OLFM3: variants seen among roughly 807,000 people sequenced by gnomAD.
OLFM3 encodes the protein noelin-3.
Under a neutral mutation model 48.6 loss-of-function variants are expected in OLFM3, and 20 were observed. That is an observed-to-expected ratio of 0.41 (90% CI 0.29 to 0.60). The LOEUF (loss-of-function observed/expected upper bound fraction) is 0.60, where lower values mean the gene tolerates loss of function less well. Ranked by LOEUF, OLFM3 falls within the 20% of genes least tolerant of loss-of-function variation. OLFM3 has a pLI of 0.28. For synonymous variants in OLFM3, 222 were observed against 198.1 expected, an observed-to-expected ratio of 1.12 and a Z score of -1.01; for missense variants, 437 against 544.3, an observed-to-expected ratio of 0.80 and a Z score of 1.96.
rs760005981 is a variant in OLFM3, at chr1:101,825,091, T to A, written c.527A>T (p.Tyr176Phe). 6.8e-6 allele frequency: 11 copies of A among 1,614,112 alleles called. No homozygotes were observed. The highest frequency in any genetic ancestry group is 8.5e-6 in the Non-Finnish European group (10 of 1,179,974). Residue 176 changes from tyrosine to phenylalanine, a missense_variant, in exon 4 of 6, where the codon TAC becomes TTC. By Grantham distance (22) the Tyr-to-Phe change is conservative. Transcript: ENST00000370103. ...CAGCACTCTTTGGTGTAGTTCCTCGTAGTCATAGGCACCAATTTCCTCCTG... is the reference window on the plus strand; with the variant it reads ...CAGCACTCTTTGGTGTAGTTCCTCGAAGTCATAGGCACCAATTTCCTCCTG... Reference protein sequence around the residue: ...GIQEEIGAYDYEELHQRVLSL... With the variant: ...GIQEEIGAYDFEELHQRVLSL...
chr1:101,824,677 AACAAC>A (rs1250576256), intron 4 of OLFM3, among the ~76,000 whole-genome samples: 5 of 150,624 alleles, frequency 3.3e-5, no homozygotes, highest in East Asian at 1.9e-4. Flanking sequence ...CAACAACAAC[AACAAC>A]AAAAAACAGT....
At chr1:101,836,801 T>G in intron 2 of OLFM3, 78 bp downstream of exon 2, 1 of 1,400,232 alleles carries the variant, frequency 7.1e-7, no homozygotes, top group African/African-American at 1.4e-5. Context: ...TCTTCATTAT[T>G]ATCGGCTCTA....
At chr1:101,922,294 AGT>A (rs1310978746) in intron 1 of OLFM3, among the ~76,000 whole-genome samples, 1 of 152,212 alleles carries the variant, frequency 6.6e-6, no homozygotes, top group Non-Finnish European at 1.5e-5. Context: ...GCTTTAGTTT[AGT>A]AAGTGCTTAA....
chr1:101,823,799 A>G (rs1200665217), intron 4 of OLFM3, among the ~76,000 whole-genome samples: 1 of 152,014 alleles, frequency 6.6e-6, no homozygotes, highest in African/African-American at 2.4e-5. Flanking sequence ...TTGAGGAGGA[A>G]TAAAGAACTG....
At chr1:101,982,534 A>G (rs536947358) in intron 1 of OLFM3, among the ~76,000 whole-genome samples, 1 of 152,280 alleles carries the variant, frequency 6.6e-6, no homozygotes, top group South Asian at 2.1e-4. Flanking sequence ...AACAACGAAT[A>G]TTTTGCATGC....
At chr1:101,989,941 A>G (rs919033793) in intron 1 of OLFM3, among the ~76,000 whole-genome samples, 4 of 152,198 alleles carry the variant, frequency 2.6e-5, no homozygotes, top group African/African-American at 9.6e-5. Flanking sequence ...AAGAATGTAA[A>G]CTACTTTCTC....
Position 101,804,633 on chromosome 1 carries a change from C to T in OLFM3, c.982G>A (p.Asp328Asn), listed in dbSNP as rs1474376552. The change falls in exon 6 of 6, where the codon GAC (aspartate) becomes AAC (asparagine). Residue 328 changes from aspartate to asparagine, a missense_variant. Asp to Asn is a conservative substitution (Grantham distance 23). This residue lies in a region of OLFM3 where 15 missense variants were observed against 43.0 expected (regional missense o/e 0.35). Transcript: ENST00000370103. This position sits in a 1 kb window ranked among gnomAD's most constrained non-coding sequence, Gnocchi z 4.5. ...AGCCCGATTTCATCAGCCATTAGGT[C>T]GATGTCAGAGAATCCACCCCATGTG... ...PYTWGGFSDI[D>N]LMADEIGLWA... 6.2e-7 allele frequency: 1 copy of T among 1,612,460 alleles called. No homozygotes were observed. Among genetic ancestry groups the T allele is most frequent in the Non-Finnish European group, 8.5e-7 (1 of 1,179,166 alleles).
rs146565398 is a variant in OLFM3 at position 101,887,192 on chromosome 1, T to C, written c.70-50167A>G. ...ACAAATATCAAGAAACAAAAAGCCA[T>C]GAATCAAAAAATTTAAAGAGTTGAC... On this transcript the variant is annotated intron_variant, in intron 1 of 5. Transcript: ENST00000370103. Among the ~76,000 whole-genome samples the C allele has an allele frequency of 4.5e-3, 681 of 151,354 alleles. 6 individuals carry two copies. The highest frequency in any genetic ancestry group is 0.016 in the African/African-American group (660 of 41,346).
intron 4 of OLFM3, among the ~76,000 whole-genome samples, chr1:101,809,505 A>G (rs560517933): frequency 6.6e-5 from 10 of 152,016 alleles, no homozygotes; most frequent in African/African-American, 2.4e-4. Context: ...ATTTACCTAC[A>G]ATGAACTCTT....
At chr1:101,909,106 C>A (rs1442623845) in intron 1 of OLFM3, among the ~76,000 whole-genome samples, 1 of 152,164 alleles carries the variant, frequency 6.6e-6, no homozygotes, top group Non-Finnish European at 1.5e-5. Flanking sequence ...TGTCTCCACT[C>A]AGTTATACAA....
intron 1 of OLFM3, among the ~76,000 whole-genome samples, chr1:101,949,619 G>T (rs1660059280): frequency 6.6e-6 from 1 of 152,038 alleles, no homozygotes; most frequent in Non-Finnish European, 1.5e-5. Flanking sequence ...ATTTGATCAA[G>T]CCATTCCTCT....
chr1:101,847,332 G>A (rs950857262), intron 1 of OLFM3, among the ~76,000 whole-genome samples: 2 of 151,778 alleles, frequency 1.3e-5, no homozygotes, highest in African/African-American at 2.4e-5. Flanking sequence ...GTTTGTGTAA[G>A]TATAATCAGC....
intron 2 of OLFM3, among the ~76,000 whole-genome samples, chr1:101,833,772 G>T (rs980268206): frequency 2.0e-5 from 3 of 152,012 alleles, no homozygotes; most frequent in African/African-American, 7.3e-5. Context: ...AATACATTTG[G>T]ATAGCCTTGA....
At position 101,804,634 on chromosome 1, in the gene OLFM3, G is replaced by A. The variant is rs781492418; in HGVS notation, c.981C>T (p.Ile327=). The A allele has an allele frequency of 8.1e-6, 13 of 1,612,522 alleles. No individual in the cohort carries two copies. The highest frequency in any genetic ancestry group is 1.1e-5 in the South Asian group (1 of 91,046). Residue 327 remains isoleucine (I), a synonymous_variant, in exon 6 of 6, where the codon ATC becomes ATT. Coordinates refer to ENST00000370103, the MANE Select transcript of OLFM3 (RefSeq NM_058170.4). This position sits in a 1 kb window ranked among gnomAD's most constrained non-coding sequence, Gnocchi z 4.5. The part of the protein sequence containing the change: ...YPYTWGGFSD[I]DLMADEIGLW... ...GCCCGATTTCATCAGCCATTAGGTCGATGTCAGAGAATCCACCCCATGTGT... is the reference window on the plus strand; with the variant it reads ...GCCCGATTTCATCAGCCATTAGGTCAATGTCAGAGAATCCACCCCATGTGT...
chr1:101,817,345 G>T (rs1013919068), intron 4 of OLFM3, among the ~76,000 whole-genome samples: 5 of 152,066 alleles, frequency 3.3e-5, no homozygotes, highest in Non-Finnish European at 7.4e-5. Context: ...GAAAACATTA[G>T]CATTTATAAA....
At chr1:101,856,888 G>C (rs146126873) in intron 1 of OLFM3, among the ~76,000 whole-genome samples, 172 of 151,982 alleles carry the variant, frequency 1.1e-3, no homozygotes, top group African/African-American at 4.0e-3. Flanking sequence ...GTACCTATAG[G>C]GATATAATGG....
Position 101,823,831 on chromosome 1 carries a change from C to T in OLFM3, c.592+1195G>A, listed in dbSNP as rs375362302. On this transcript the variant is annotated intron_variant, in intron 4 of 5. Transcript: ENST00000370103. ...ACTGAGGATTCTTGAACATGTGTTTCGGCCTTCAGGTTTACCTTATTTCCT... is the reference window on the plus strand; with the variant it reads ...ACTGAGGATTCTTGAACATGTGTTTTGGCCTTCAGGTTTACCTTATTTCCT... 2.6e-5 allele frequency among the ~76,000 whole-genome samples: 4 copies of T among 151,922 alleles called. No homozygotes were observed. The East Asian group carries it at 5.8e-4, about 22-fold the overall frequency.
intron 1 of OLFM3, among the ~76,000 whole-genome samples, chr1:101,878,559 G>A (rs559329608): frequency 7.0e-4 from 106 of 151,958 alleles, no homozygotes; most frequent in African/African-American, 2.4e-3. Context: ...CTTGAGATTA[G>A]TGGTTATAGG....
rs71088114 is a variant in OLFM3, at chr1:101,949,931, G to GAAA, written c.69+46814_69+46816dup. ...TGGGCAACAGAGCAAGACTCCGTCT[G>GAAA]AAAAAAAAAAAAAAAAAGCCTCTGA... On this transcript the variant is annotated intron_variant, in intron 1 of 5. Transcript: ENST00000370103. Among the ~76,000 whole-genome samples the GAAA allele has an allele frequency of 2.0e-3, 107 of 53,372 alleles. 16 individuals are homozygous for GAAA. The highest frequency in any genetic ancestry group is 0.012 in the East Asian group (18 of 1,520). 35.0% of individuals were successfully genotyped at this position (53,372 alleles called of 152,430 possible). A position where few individuals can be genotyped will look rare whatever the true frequency, so the allele number is the denominator to read the frequency against.
Sources: gnomAD v4.1 joint callset for allele counts (sites outside exome capture counted in the v4.1 genomes callset) on GRCh38, gnomAD v4.1.1 for gene constraint, gnomAD v4.1.1 regional missense constraint, Gnocchi (gnomAD v3.1) non-coding constraint, MANE v1.5 for transcripts, NCBI Gene and HGNC (gene_info 2026-07-23, HGNC 2026-07-21) for gene names.